The following PARD3B variants were observed in gnomAD, a reference collection of about 807,000 sequenced individuals.
PARD3B encodes the protein par-3 family cell polarity regulator beta, also known as partitioning defective 3 homolog B.
PARD3B carries 103 observed loss-of-function variants against 130.2 expected under a neutral mutation model. The ratio of observed to expected loss-of-function variants is 0.79; its 90% CI spans 0.67 to 0.93. The LOEUF (loss-of-function observed/expected upper bound fraction) is 0.93. PARD3B is among the 40% of genes least tolerant of loss of function. The pLI is 0.00. For missense variants in PARD3B, 1,609 were observed against 1,499.2 expected (o/e 1.07, Z -1.21); for synonymous variants, 583 against 553.2 (o/e 1.05, Z -0.76).
At chr2:204,701,735 T>A (rs2037903013) in intron 2 of PARD3B, among the ~76,000 whole-genome samples, 1 of 149,018 alleles carries the variant, frequency 6.7e-6, no homozygotes, top group Non-Finnish European at 1.5e-5. Flanking sequence ...TATTTTATTA[T>A]TTTTTTTTTC....
chr2:204,998,312 G>GTGTATATATATATA (rs1278337977), intron 3 of PARD3B, among the ~76,000 whole-genome samples: 1 of 52,042 alleles, frequency 1.9e-5, no homozygotes, highest in African/African-American at 8.7e-5. Context: ...AGAACTTAAA[G>GTGTATATATATATA]TATATATATA....
At chr2:205,476,772 T>G (rs1319576201) in intron 20 of PARD3B, among the ~76,000 whole-genome samples, 2 of 152,244 alleles carry the variant, frequency 1.3e-5, no homozygotes, top group African/African-American at 2.4e-5. Flanking sequence ...TTATCACTTA[T>G]AAGTGTTAAT....
chr2:205,505,390 A>AAAAAT (rs4044520), intron 21 of PARD3B, among the ~76,000 whole-genome samples: 71,906 of 150,470 alleles, frequency 0.48, 17,480 homozygotes, highest in Admixed American at 0.57. Context: ...TAAATAATAA[A>AAAAAT]AAAATAAAAT....
intron 1 of PARD3B, among the ~76,000 whole-genome samples, chr2:204,634,955 C>T (rs565490469): frequency 6.6e-6 from 1 of 152,284 alleles, no homozygotes; most frequent in South Asian, 2.1e-4. Flanking sequence ...AGAGCAAAGG[C>T]AAATTTAATA....
At chr2:205,185,728 C>A in intron 13 of PARD3B, 36 bp from the exon 14 acceptor site, 1 of 1,578,170 alleles carries the variant, frequency 6.3e-7, no homozygotes, top group Non-Finnish European at 8.7e-7. Context: ...GGTTCTGCTT[C>A]CACTTTATAC....
At chr2:205,347,924 A>AT (rs35202684) in intron 18 of PARD3B, 91,153 of 151,930 alleles carry the variant, frequency 0.6, 30,740 homozygotes, top group South Asian at 0.77. Flanking sequence ...GTTGAGGGGC[A>AT]TACCTGGGGA....
intron 11 of PARD3B, among the ~76,000 whole-genome samples, chr2:205,163,210 G>C (rs953020171): frequency 2.6e-5 from 4 of 152,078 alleles, no homozygotes; most frequent in African/African-American, 9.7e-5. Context: ...GACCTAGTAA[G>C]GTAAGAATTC....
chr2:205,375,039 A>G (rs2044985767), intron 18 of PARD3B, among the ~76,000 whole-genome samples: 1 of 152,194 alleles, frequency 6.6e-6, no homozygotes, highest in Non-Finnish European at 1.5e-5. Flanking sequence ...AAATTTTAAC[A>G]TAGGTAACCC....
chr2:205,485,350 A>G (rs1461202027), intron 20 of PARD3B, among the ~76,000 whole-genome samples: 1 of 152,152 alleles, frequency 6.6e-6, no homozygotes, highest in Non-Finnish European at 1.5e-5. Context: ...AACTGAAAGA[A>G]AGTTTCAATG....
At chr2:204,569,900 A>G (rs1466736931) in intron 1 of PARD3B, among the ~76,000 whole-genome samples, 2 of 152,206 alleles carry the variant, frequency 1.3e-5, no homozygotes, top group Admixed American at 6.5e-5. Context: ...GATGTTAAAC[A>G]TCATCAAGAT....
chr2:205,006,216 A>G (rs985564645), intron 3 of PARD3B, among the ~76,000 whole-genome samples: 10 of 152,152 alleles, frequency 6.6e-5, no homozygotes, highest in Admixed American at 6.5e-5. Context: ...TCATTGGTCA[A>G]TGGACACTTT....
At chr2:205,285,870 A>G (rs1207421) in intron 16 of PARD3B, among the ~76,000 whole-genome samples, 137,867 of 152,190 alleles carry the variant, frequency 0.91, 62,633 homozygotes, top group Admixed American at 0.94. Context: ...AGATACCCAT[A>G]TTGTCTTTTG....
intron 2 of PARD3B, among the ~76,000 whole-genome samples, chr2:204,876,994 G>A (rs570689369): frequency 5.3e-5 from 8 of 152,092 alleles, no homozygotes; most frequent in East Asian, 1.9e-4. Context: ...CTGAGGAATC[G>A]CCACACACTC....
At position 204,689,062 on chromosome 2, in the gene PARD3B, T is replaced by C. The variant is rs1301844473; in HGVS notation, c.222+2780T>C. ...AGAAAGCAGGGGAGGCTGGGCCATT[T>C]AGTGTATGGTAACACCATCCCATAC... On this transcript the variant is annotated intron_variant, in intron 2 of 22. Coordinates refer to ENST00000406610, the MANE Select transcript of PARD3B (RefSeq NM_001302769.2). The surrounding 1 kb of genome is among the most constrained non-coding windows in gnomAD (Gnocchi z 5.2). Among the ~76,000 whole-genome samples the C allele has an allele frequency of 6.6e-6, 1 of 152,192 alleles. No individual in the cohort carries two copies.
intron 2 of PARD3B, among the ~76,000 whole-genome samples, chr2:204,786,410 T>C (rs190756197): frequency 5.3e-5 from 8 of 152,210 alleles, no homozygotes; most frequent in Non-Finnish European, 8.8e-5. Flanking sequence ...CAAGGTGCCT[T>C]GAGCATGTCT....
intron 20 of PARD3B, among the ~76,000 whole-genome samples, chr2:205,496,983 C>T (rs1159202501): frequency 1.3e-5 from 2 of 151,792 alleles, no homozygotes; most frequent in African/African-American, 2.4e-5. Context: ...GAAGCCTGTG[C>T]GTTGGATACA....
chr2:205,092,306 T>TA (rs1702156123), intron 4 of PARD3B, among the ~76,000 whole-genome samples: 1 of 152,110 alleles, frequency 6.6e-6, no homozygotes, highest in African/African-American at 2.4e-5. Context: ...AGGAAATTCT[T>TA]ATCTAGAAAC....
intron 22 of PARD3B, among the ~76,000 whole-genome samples, chr2:205,587,950 G>A (rs981244881): frequency 3.3e-5 from 5 of 152,218 alleles, no homozygotes; most frequent in African/African-American, 1.2e-4. Context: ...CTAAAGGGCA[G>A]GGAAGGCCTT....
chr2:205,087,447 T>C (rs1701806521), intron 4 of PARD3B, among the ~76,000 whole-genome samples: 1 of 152,182 alleles, frequency 6.6e-6, no homozygotes, highest in African/African-American at 2.4e-5. Flanking sequence ...CAAAGCCCCT[T>C]AGCTTTTTAT....
Sources: allele counts gnomAD v4.1 joint callset (sites outside exome capture counted in the v4.1 genomes callset), GRCh38; gene constraint gnomAD v4.1.1; non-coding constraint Gnocchi (gnomAD v3.1); transcripts MANE v1.5; gene names NCBI Gene and HGNC (gene_info 2026-07-23, HGNC 2026-07-21).